LONP2: variants seen among roughly 807,000 people sequenced by gnomAD.
LONP2 encodes the protein lon protease homolog 2, peroxisomal.
A neutral mutation model predicts 85.6 loss-of-function variants in LONP2; 60 were observed. That is an observed-to-expected ratio of 0.70 (90% CI 0.57 to 0.87). The LOEUF (loss-of-function observed/expected upper bound fraction) is 0.87. Among genes scored for constraint, LONP2 ranks in the 40% least tolerant of loss-of-function variants. LONP2 has a pLI of 0.00. For synonymous variants in LONP2, 395 were observed against 389.7 expected (o/e 1.01, Z -0.16); for missense variants, 860 against 1,063.5 (o/e 0.81, Z 2.66).
At chr16:48,255,021 A>G (rs1971729814) in intron 2 of LONP2, among the ~76,000 whole-genome samples, 1 of 152,204 alleles carries the variant, frequency 6.6e-6, no homozygotes, top group African/African-American at 2.4e-5. Context: ...ATAAGTTCCA[A>G]AATTACGATG....
chr16:48,247,197 G>A (rs555033308), intron 1 of LONP2: 47 of 151,608 alleles, frequency 3.1e-4, no homozygotes, highest in Non-Finnish European at 6.2e-4. Context: ...TCTCTAATAG[G>A]GCCTTTAAAA....
intron 2 of LONP2, among the ~76,000 whole-genome samples, 161 bp downstream of exon 2, chr16:48,252,526 T>C (rs1269766536): frequency 6.6e-6 from 1 of 152,248 alleles, no homozygotes. Flanking sequence ...TCTGGGGTTG[T>C]ACCTAAATCA....
In LONP2 at chr16:48,261,521, A is replaced by G. The variant is rs1164705414; in HGVS notation, c.821A>G (p.Glu274Gly). 1 of 1,607,620 alleles carries G rather than the reference A, an allele frequency of 6.2e-7. No homozygotes were observed. The highest frequency in any genetic ancestry group is 1.7e-5 in the Admixed American group (1 of 59,332). The change falls in exon 5 of 15, where the codon GAG becomes GGG. Residue 274 changes from glutamate to glycine, a missense_variant. By Grantham distance (98) the Glu-to-Gly change is moderately conservative (BLOSUM62 -2). Coordinates refer to ENST00000285737, the MANE Select transcript of LONP2 (RefSeq NM_031490.5). ...GATAATGATGACATTGTCATGCTAG[A>G]GAAAAAAATACGAACATCTAGTATG... is the stretch of plus-strand genomic sequence containing the variant. ...DEDNDDIVML[E>G]KKIRTSSMPE...
At chr16:48,304,018 C>T (rs1456298267) in intron 11 of LONP2, among the ~76,000 whole-genome samples, 1 of 152,178 alleles carries the variant, frequency 6.6e-6, no homozygotes, top group Non-Finnish European at 1.5e-5. Context: ...ACTATATCCT[C>T]ACAGACACAC....
chr16:48,316,806 T>A (rs1294709825), intron 11 of LONP2, among the ~76,000 whole-genome samples: 1 of 152,244 alleles, frequency 6.6e-6, no homozygotes, highest in Non-Finnish European at 1.5e-5. Context: ...TTGTTTGTAT[T>A]ACCTTTTTTT....
At chr16:48,272,396 C>T (rs74016373) in intron 7 of LONP2, among the ~76,000 whole-genome samples, 2,085 of 152,230 alleles carry the variant, frequency 0.014, 48 homozygotes, top group African/African-American at 0.047. Context: ...TCACCACTTA[C>T]AAACATCACT....
intron 14 of LONP2, among the ~76,000 whole-genome samples, chr16:48,348,682 C>T (rs1472399445): frequency 6.6e-6 from 1 of 151,986 alleles, no homozygotes. Flanking sequence ...TGCGTAGAGA[C>T]AGGGTCTCTC....
chr16:48,358,904 A>G (rs1421241988), downstream of LONP2, among the ~76,000 whole-genome samples: 1 of 152,242 alleles, frequency 6.6e-6, no homozygotes, highest in Non-Finnish European at 1.5e-5. Flanking sequence ...GTGCAGTTTT[A>G]TAATTTCCAA....
intron 11 of LONP2, among the ~76,000 whole-genome samples, chr16:48,328,123 GA>G (rs1312298467): frequency 1.3e-5 from 2 of 151,986 alleles, no homozygotes; most frequent in South Asian, 2.1e-4. Flanking sequence ...AACTAAGAAT[GA>G]AAAAAAGGCC....
chr16:48,334,036 T>G (rs939374093), intron 11 of LONP2, among the ~76,000 whole-genome samples, 180 bp from the exon 12 acceptor site: 3 of 152,232 alleles, frequency 2.0e-5, no homozygotes, highest in Non-Finnish European at 4.4e-5. Context: ...GGTGAGCTCT[T>G]GAAACACAAA....
At chr16:48,300,506 A>G (rs1484137325) in intron 10 of LONP2, among the ~76,000 whole-genome samples, 1 of 152,222 alleles carries the variant, frequency 6.6e-6, no homozygotes, top group Admixed American at 6.5e-5. Flanking sequence ...GATCCATTGC[A>G]TCATCCAGCA....
chr16:48,353,479 A>AGAGT lies in LONP2; in HGVS notation c.*1681_*1684dup, dbSNP rs1225614425. 1.4e-5 allele frequency: 2 copies of AGAGT among 145,560 alleles called. No homozygotes were observed. Among genetic ancestry groups the AGAGT allele is most frequent in the Non-Finnish European group, 3.0e-5 (2 of 67,426 alleles). 9.0% of individuals were successfully genotyped at this position (145,560 alleles called of 1,614,324 possible). ...ACTGCACTCCAGCACCCTGGGCGAC[A>AGAGT]GAGTGAGACCCTGTCTCAAAAAAAA... On this transcript the variant is annotated 3_prime_UTR_variant, in exon 15 of 15. Coordinates refer to ENST00000285737, the MANE Select transcript of LONP2 (RefSeq NM_031490.5).
chr16:48,263,020 A>G (rs1289551211), intron 6 of LONP2, 148 bp downstream of exon 6: 4 of 598,546 alleles, frequency 6.7e-6, no homozygotes. Context: ...TTGAAGTGTG[A>G]TTGTCGTACA....
chr16:48,350,566 A>G (rs2151035179), intron 14 of LONP2, among the ~76,000 whole-genome samples: 1 of 152,354 alleles, frequency 6.6e-6, no homozygotes, highest in Non-Finnish European at 1.5e-5. Context: ...CAGCATGAAC[A>G]AAACCTTGAA....
At chr16:48,319,390 A>T (rs1208284955) in intron 11 of LONP2, among the ~76,000 whole-genome samples, 1 of 152,002 alleles carries the variant, frequency 6.6e-6, no homozygotes, top group Non-Finnish European at 1.5e-5. Context: ...AAAAAAAATA[A>T]AAAGTAACCT....
At chr16:48,309,892 TTGTC>T (rs1389682599) in intron 11 of LONP2, among the ~76,000 whole-genome samples, 2 of 152,144 alleles carry the variant, frequency 1.3e-5, no homozygotes, top group African/African-American at 4.8e-5. Flanking sequence ...TTTGTTGACT[TTGTC>T]TGTCTCAGTG....
chr16:48,306,972 C>G (rs1031336577), intron 11 of LONP2, among the ~76,000 whole-genome samples: 1 of 152,172 alleles, frequency 6.6e-6, no homozygotes, highest in Non-Finnish European at 1.5e-5. Flanking sequence ...CTTGGAGTTA[C>G]TGCCAGGAAG....
Position 48,321,457 on chromosome 16 carries a change from A to G in LONP2, c.1796-12759A>G, listed in dbSNP as rs549057009. Among the ~76,000 whole-genome samples, 3 of 152,316 alleles carry G rather than the reference A, an allele frequency of 2.0e-5. No homozygotes were observed. The East Asian group carries it at 5.8e-4, about 29-fold the overall frequency. ...TATGTTTTGGGCCCTTGTTTATACC[A>G]GTTTATTCAATCAGTGAGTCAGCTA... On this transcript the variant is annotated intron_variant, in intron 11 of 14. Transcript: ENST00000285737.
chr16:48,246,345 C>G (rs143862205), intron 1 of LONP2, among the ~76,000 whole-genome samples: 10 of 152,298 alleles, frequency 6.6e-5, no homozygotes, highest in African/African-American at 9.6e-5. Flanking sequence ...GACTCTGCTC[C>G]TTCTGCTTAC....
Sources: gnomAD v4.1 joint callset for allele counts (sites outside exome capture counted in the v4.1 genomes callset) on GRCh38, gnomAD v4.1.1 for gene constraint, MANE v1.5 for transcripts, NCBI Gene and HGNC (gene_info 2026-07-23, HGNC 2026-07-21) for gene names.